The following CHCHD3 variants were observed in gnomAD, a reference collection of about 807,000 sequenced individuals.
CHCHD3 encodes MICOS complex subunit MIC19.
In CHCHD3, 20 loss-of-function variants were observed where a neutral mutation model predicts 38.2. That is an observed-to-expected ratio of 0.52 (90% CI 0.37 to 0.76). The LOEUF (loss-of-function observed/expected upper bound fraction) is 0.76, where lower values mean the gene tolerates loss of function less well. Ranked by LOEUF, CHCHD3 falls within the 30% of genes least tolerant of loss-of-function variation. The probability of loss-of-function intolerance (pLI) is 0.00; values close to 1 mark genes in which losing one functional copy is unlikely to be tolerated. For synonymous variants in CHCHD3, 82 were observed against 100.0 expected (o/e 0.82, Z 1.07); for missense variants, 245 against 279.2 (o/e 0.88, Z 0.87).
At chr7:132,913,292 G>C (rs989193345) in intron 4 of CHCHD3, among the ~76,000 whole-genome samples, 2 of 152,128 alleles carry the variant, frequency 1.3e-5, no homozygotes, top group African/African-American at 4.8e-5. Flanking sequence ...AAGTCAAATG[G>C]GGAGACAAAT....
At chr7:132,873,672 G>A (rs1012361956) in intron 5 of CHCHD3, among the ~76,000 whole-genome samples, 2 of 151,978 alleles carry the variant, frequency 1.3e-5, no homozygotes, top group Non-Finnish European at 2.9e-5. Flanking sequence ...GTACCCAGGG[G>A]CACTCTGTCA....
intron 6 of CHCHD3, 126 bp from the exon 7 acceptor site, chr7:132,796,703 A>G: frequency 1.2e-6 from 1 of 839,794 alleles, no homozygotes; most frequent in Admixed American, 2.8e-5. Flanking sequence ...GTTTAAGAGA[A>G]AGAATTTTCC....
intron 4 of CHCHD3, among the ~76,000 whole-genome samples, chr7:132,943,951 C>T (rs542238908): frequency 6.6e-6 from 1 of 152,132 alleles, no homozygotes; most frequent in South Asian, 2.1e-4. Context: ...AAGTAATTCC[C>T]ACCACATATT....
chr7:132,998,019 A>G (rs1812471737), intron 3 of CHCHD3, among the ~76,000 whole-genome samples: 2 of 152,212 alleles, frequency 1.3e-5, no homozygotes, highest in Admixed American at 6.5e-5. Context: ...GATGTATAGC[A>G]GATGTTACAC....
chr7:132,975,322 A>G (rs1459473647), intron 3 of CHCHD3, 36 bp from the exon 4 acceptor site: 25 of 1,506,012 alleles, frequency 1.7e-5, no homozygotes, highest in Non-Finnish European at 2.2e-5. Context: ...TAGAAAAAAT[A>G]TTTTATTAGT....
chr7:132,874,428 G>T (rs1442252819), intron 5 of CHCHD3, among the ~76,000 whole-genome samples: 1 of 152,148 alleles, frequency 6.6e-6, no homozygotes, highest in East Asian at 1.9e-4. Context: ...AAACCTTGAG[G>T]CTCTGATGGA....
chr7:132,857,825 A>C (rs1379772804), intron 5 of CHCHD3, among the ~76,000 whole-genome samples: 1 of 152,166 alleles, frequency 6.6e-6, no homozygotes, highest in African/African-American at 2.4e-5. Context: ...GGTTTTAGAA[A>C]TTAGATACCC....
At chr7:132,984,268 T>C (rs568739247) in intron 3 of CHCHD3, among the ~76,000 whole-genome samples, 5 of 151,800 alleles carry the variant, frequency 3.3e-5, no homozygotes, top group South Asian at 4.2e-4. Flanking sequence ...TTTCGCTGTG[T>C]TGGCCGGGCT....
intron 6 of CHCHD3, among the ~76,000 whole-genome samples, chr7:132,825,296 A>C (rs145148981): frequency 1.6e-3 from 244 of 152,366 alleles, no homozygotes; most frequent in African/African-American, 5.4e-3. Flanking sequence ...CCAAACAAAT[A>C]AGGACAGGGT....
intron 6 of CHCHD3, among the ~76,000 whole-genome samples, chr7:132,809,602 C>G (rs1439965257): frequency 2.0e-5 from 3 of 152,114 alleles, no homozygotes; most frequent in African/African-American, 7.2e-5. Flanking sequence ...TGTGATGTTG[C>G]AAGAAAGAGT....
intron 3 of CHCHD3, among the ~76,000 whole-genome samples, chr7:132,996,126 C>T (rs1008085192): frequency 1.3e-5 from 2 of 152,084 alleles, no homozygotes; most frequent in African/African-American, 4.8e-5. Flanking sequence ...TTATGTGAAC[C>T]GAAACGCTTA....
At chr7:133,050,908 C>G (rs906834531) in intron 2 of CHCHD3, among the ~76,000 whole-genome samples, 13 of 152,018 alleles carry the variant, frequency 8.6e-5, no homozygotes, top group Non-Finnish European at 1.8e-4. Flanking sequence ...CCCAGCTACT[C>G]AGGAGGCTGA....
At chr7:132,949,806 T>C (rs1353781779) in intron 4 of CHCHD3, among the ~76,000 whole-genome samples, 1 of 152,058 alleles carries the variant, frequency 6.6e-6, no homozygotes, top group Non-Finnish European at 1.5e-5. Context: ...ACAAAGGAGT[T>C]AGGAGTGCAG....
At chr7:133,036,904 G>A (rs1813695218) in intron 2 of CHCHD3, among the ~76,000 whole-genome samples, 1 of 152,108 alleles carries the variant, frequency 6.6e-6, no homozygotes, top group Non-Finnish European at 1.5e-5. Context: ...AACATGCTAG[G>A]ATTTGTTGGT....
chr7:133,075,816 T>C (rs908724093), intron 1 of CHCHD3, among the ~76,000 whole-genome samples: 1 of 152,096 alleles, frequency 6.6e-6, no homozygotes, highest in Non-Finnish European at 1.5e-5. Context: ...TCCCAGCACT[T>C]TGGGAGGCCA....
chr7:133,034,032 T>C (rs1039685625), intron 2 of CHCHD3, among the ~76,000 whole-genome samples: 47 of 152,212 alleles, frequency 3.1e-4, no homozygotes, highest in African/African-American at 1.1e-3. Context: ...GTTTTCATTA[T>C]TTAGCATTCA....
At chr7:132,993,956 CATTTTTAAAATGTCT>C (rs1479405061) in intron 3 of CHCHD3, among the ~76,000 whole-genome samples, 1 of 152,134 alleles carries the variant, frequency 6.6e-6, no homozygotes, top group Non-Finnish European at 1.5e-5. Flanking sequence ...GAATCCTCTC[CATTTTTAAAATGTCT>C]ATTTCATCTT....
intron 6 of CHCHD3, among the ~76,000 whole-genome samples, chr7:132,799,549 C>A (rs568095559): frequency 6.6e-6 from 1 of 152,176 alleles, no homozygotes; most frequent in African/African-American, 2.4e-5. Flanking sequence ...AAGTTAATTT[C>A]TTTGTATGTA....
intron 2 of CHCHD3, among the ~76,000 whole-genome samples, chr7:133,045,969 T>A (rs573818990): frequency 1.6e-4 from 24 of 152,206 alleles, no homozygotes; most frequent in Non-Finnish European, 7.3e-5. Context: ...TGCAGAGTCA[T>A]GAGCCTACAG....
Sources: allele counts gnomAD v4.1 joint callset (sites outside exome capture counted in the v4.1 genomes callset), GRCh38; gene constraint gnomAD v4.1.1; transcripts MANE v1.5; gene names NCBI Gene and HGNC (gene_info 2026-07-23, HGNC 2026-07-21).